Variants in L3MBTL4 observed in about 807,000 individuals in gnomAD.
The protein encoded by L3MBTL4 is lethal(3)malignant brain tumor-like protein 4.
L3MBTL4 carries 70 observed loss-of-function variants against 84.5 expected under a neutral mutation model. The ratio of observed to expected loss-of-function variants is 0.83; its 90% confidence interval spans 0.68 to 1.01. The LOEUF is 1.01. Among genes scored for constraint, L3MBTL4 ranks in the 50% least tolerant of loss-of-function variants. The pLI is 0.00. For missense variants in L3MBTL4, 715 were observed against 754.8 expected (o/e 0.95, Z 0.62); for synonymous variants, 274 against 259.8 (o/e 1.05, Z -0.52).
chr18:6,000,262 A>G (rs1455713749), intron 16 of L3MBTL4, among the ~76,000 whole-genome samples: 1 of 152,226 alleles, frequency 6.6e-6, no homozygotes, highest in Non-Finnish European at 1.5e-5. Context: ...CATGTTTGGA[A>G]ACACAAAATA....
intron 14 of L3MBTL4, among the ~76,000 whole-genome samples, chr18:6,131,423 A>G (rs1424955939): frequency 1.3e-5 from 2 of 152,184 alleles, no homozygotes; most frequent in Admixed American, 1.3e-4. Context: ...TCTTAAATAT[A>G]AGAATATTTG....
chr18:6,393,755 C>T (rs904154593), intron 1 of L3MBTL4, among the ~76,000 whole-genome samples: 33 of 152,202 alleles, frequency 2.2e-4, no homozygotes, highest in Non-Finnish European at 3.8e-4. Flanking sequence ...CATCTCCCAC[C>T]CAGATTGTGA....
chr18:6,042,422 C>T (rs542378067), intron 16 of L3MBTL4, among the ~76,000 whole-genome samples: 4 of 151,990 alleles, frequency 2.6e-5, no homozygotes, highest in Non-Finnish European at 4.4e-5. Flanking sequence ...GCCTCCAGTC[C>T]TCACCCTCTC....
intron 16 of L3MBTL4, among the ~76,000 whole-genome samples, chr18:5,997,984 T>C (rs981626120): frequency 2.0e-5 from 3 of 152,306 alleles, no homozygotes; most frequent in Middle Eastern, 3.4e-3. Flanking sequence ...GATTTTTCCT[T>C]AGTTGTGTTT....
chr18:6,127,074 C>G (rs11874491), intron 14 of L3MBTL4, among the ~76,000 whole-genome samples: 52,895 of 152,012 alleles, frequency 0.35, 10,257 homozygotes, highest in East Asian at 0.53. Context: ...AAATTAAAGC[C>G]GTGCCTTTGG....
intron 1 of L3MBTL4, among the ~76,000 whole-genome samples, chr18:6,352,150 G>A (rs1449724043): frequency 6.6e-6 from 1 of 152,164 alleles, no homozygotes; most frequent in Non-Finnish European, 1.5e-5. Flanking sequence ...TACTCAAAAT[G>A]TGGTCACTCT....
chr18:6,063,768 A>C (rs1050439295), intron 16 of L3MBTL4, among the ~76,000 whole-genome samples: 1 of 151,980 alleles, frequency 6.6e-6, no homozygotes, highest in East Asian at 1.9e-4. Flanking sequence ...CCTTTGTTAA[A>C]TGCATAGTTT....
chr18:6,229,954 A>T (rs2046927435), intron 10 of L3MBTL4, among the ~76,000 whole-genome samples: 1 of 152,178 alleles, frequency 6.6e-6, no homozygotes, highest in Non-Finnish European at 1.5e-5. Flanking sequence ...TAGACTATTC[A>T]GGGTCCCTTG....
intron 1 of L3MBTL4, among the ~76,000 whole-genome samples, chr18:6,340,661 C>A (rs2052563525): frequency 6.6e-6 from 1 of 152,086 alleles, no homozygotes; most frequent in Non-Finnish European, 1.5e-5. Flanking sequence ...CAAACTCCAC[C>A]AAGAGACTCA....
At chr18:6,183,268 TA>T (rs987399028) in intron 12 of L3MBTL4, among the ~76,000 whole-genome samples, 7 of 152,206 alleles carry the variant, frequency 4.6e-5, no homozygotes, top group African/African-American at 1.4e-4. Context: ...ACCTCCTTCA[TA>T]ACCAGTGTAA....
chr18:6,032,136 C>T (rs538963361), intron 16 of L3MBTL4: 81 of 267,258 alleles, frequency 3.0e-4, no homozygotes, highest in Middle Eastern at 3.2e-3. Context: ...CGCCACCACG[C>T]CTGGCTAATT....
chr18:6,212,445 A>G (rs2046150127), intron 12 of L3MBTL4, among the ~76,000 whole-genome samples: 1 of 152,224 alleles, frequency 6.6e-6, no homozygotes, highest in Non-Finnish European at 1.5e-5. Context: ...TTGCATGGAA[A>G]ATAACTTTTG....
intron 16 of L3MBTL4, among the ~76,000 whole-genome samples, chr18:6,052,013 T>C (rs935975061): frequency 2.6e-5 from 4 of 152,216 alleles, no homozygotes; most frequent in Admixed American, 6.5e-5. Flanking sequence ...CTTTGGCTAT[T>C]GAGCTCTGAG....
chr18:6,179,113 T>G (rs1002645602), intron 12 of L3MBTL4, among the ~76,000 whole-genome samples: 6 of 152,246 alleles, frequency 3.9e-5, no homozygotes, highest in Non-Finnish European at 8.8e-5. Flanking sequence ...CACAATAATT[T>G]TATTAGCCTA....
At chr18:6,341,382 T>C (rs535596263) in intron 1 of L3MBTL4, among the ~76,000 whole-genome samples, 215 of 152,106 alleles carry the variant, frequency 1.4e-3, no homozygotes, top group Admixed American at 2.6e-3. Context: ...AACTAAATTA[T>C]ATAAGGGAAA....
Position 6,117,452 on chromosome 18 carries a change from G to A in L3MBTL4, c.1199+20742C>T, listed in dbSNP as rs191186670. On this transcript the variant is annotated intron_variant, in intron 14 of 18. Coordinates refer to ENST00000317931, the MANE Select transcript of L3MBTL4 (RefSeq NM_001330559.2). The stretch of plus-strand genomic sequence containing the variant: ...AGGTCTGAGCAGAGCCACAGAACAC[G>A]GCTCTAAGCTGCCAACAGCAACTGA... 1.1e-4 allele frequency among the ~76,000 whole-genome samples: 16 copies of A among 152,310 alleles called. No individual in the cohort carries two copies. In the East Asian group the frequency reaches 2.9e-3, roughly 28 times the overall value.
At chr18:6,139,035 T>C (rs1469259870) in intron 13 of L3MBTL4, among the ~76,000 whole-genome samples, 3 of 152,110 alleles carry the variant, frequency 2.0e-5, no homozygotes, top group Non-Finnish European at 4.4e-5. Flanking sequence ...GTGCTGAAGA[T>C]GGCAAACATG....
intron 1 of L3MBTL4, among the ~76,000 whole-genome samples, chr18:6,365,925 C>T (rs2053916219): frequency 6.6e-6 from 1 of 152,050 alleles, no homozygotes; most frequent in African/African-American, 2.4e-5. Flanking sequence ...TCAATGTATG[C>T]ACAAGCTTTG....
At chr18:6,147,172 T>C (rs1182958846) in intron 13 of L3MBTL4, among the ~76,000 whole-genome samples, 1 of 152,084 alleles carries the variant, frequency 6.6e-6, no homozygotes. Context: ...TATCTTGGTT[T>C]TTTCCCTGCC....
Sources: allele counts gnomAD v4.1 joint callset (sites outside exome capture counted in the v4.1 genomes callset), GRCh38; gene constraint gnomAD v4.1.1; transcripts MANE v1.5; gene names NCBI Gene and HGNC (gene_info 2026-07-23, HGNC 2026-07-21).